Variants in GRM5 observed in about 807,000 individuals in gnomAD.
The protein encoded by GRM5 is glutamate metabotropic receptor 5.
GRM5 carries 19 observed loss-of-function variants against 83.1 expected under a neutral mutation model. That is an observed-to-expected ratio of 0.23 (90% CI 0.16 to 0.34). The LOEUF (loss-of-function observed/expected upper bound fraction) is 0.34, where lower values mean the gene tolerates loss of function less well. Among genes scored for constraint, GRM5 ranks in the 10% least tolerant of loss-of-function variants. GRM5 has a pLI of 1.00. For missense variants in GRM5, 1,160 were observed against 1,588.3 expected, an observed-to-expected ratio of 0.73 and a Z score of 4.58; for synonymous variants, 675 against 633.6, an observed-to-expected ratio of 1.07 and a Z score of -0.98.
At chr11:88,751,914 A>G (rs1191556211) in intron 3 of GRM5, among the ~76,000 whole-genome samples, 15 of 152,216 alleles carry the variant, frequency 9.9e-5, no homozygotes. Context: ...CTTCATATTA[A>G]AAACTCTCAA....
intron 2 of GRM5, among the ~76,000 whole-genome samples, chr11:89,013,327 T>A (rs1429452700): frequency 2.0e-5 from 3 of 152,224 alleles, no homozygotes; most frequent in Non-Finnish European, 4.4e-5. Context: ...CAAATAATCT[T>A]GTCTTTATGA....
chr11:88,535,447 C>A (rs913081957), intron 8 of GRM5, among the ~76,000 whole-genome samples: 2 of 152,152 alleles, frequency 1.3e-5, no homozygotes, highest in African/African-American at 4.8e-5. Context: ...AGAAGCTAAG[C>A]CAACATTTCA....
chr11:88,744,204 A>T (rs1311022762), intron 3 of GRM5, among the ~76,000 whole-genome samples: 1 of 152,164 alleles, frequency 6.6e-6, no homozygotes, highest in Non-Finnish European at 1.5e-5. Flanking sequence ...TTTGATTTAC[A>T]TTAAGTATTT....
intron 2 of GRM5, among the ~76,000 whole-genome samples, chr11:88,878,480 C>T (rs193055381): frequency 1.3e-5 from 2 of 152,128 alleles, no homozygotes; most frequent in African/African-American, 4.8e-5. Context: ...ATTCCCTCCC[C>T]ACAGTGGAGC....
chr11:88,622,269 A>G (rs1938660117), intron 4 of GRM5, among the ~76,000 whole-genome samples: 1 of 152,222 alleles, frequency 6.6e-6, no homozygotes, highest in South Asian at 2.1e-4. Context: ...GCTAAGCATC[A>G]TTTTCTGCCC....
At chr11:88,536,341 G>C (rs763429524) in intron 8 of GRM5, among the ~76,000 whole-genome samples, 16 of 152,230 alleles carry the variant, frequency 1.1e-4, no homozygotes, top group Non-Finnish European at 1.9e-4. Flanking sequence ...GTCAGTGACA[G>C]ATCCATATAC....
chr11:89,006,799 C>CTTTGT (rs924347692), intron 2 of GRM5, among the ~76,000 whole-genome samples: 5 of 151,768 alleles, frequency 3.3e-5, no homozygotes, highest in Non-Finnish European at 2.9e-5. Flanking sequence ...TTTTGTTTTG[C>CTTTGT]TTTGTTTTGT....
chr11:88,670,904 AC>A, intron 3 of GRM5, among the ~76,000 whole-genome samples: 1 of 152,102 alleles, frequency 6.6e-6, no homozygotes, highest in South Asian at 2.1e-4. Flanking sequence ...ATCTCCTACA[AC>A]TGAATATAAG....
chr11:88,678,030 G>T (rs534439582), intron 3 of GRM5, among the ~76,000 whole-genome samples: 1 of 149,420 alleles, frequency 6.7e-6, no homozygotes, highest in Non-Finnish European at 1.5e-5. Flanking sequence ...GATTACAAAC[G>T]TGATGCATTT....
intron 3 of GRM5, among the ~76,000 whole-genome samples, chr11:88,740,163 A>C (rs960365754): frequency 1.3e-5 from 2 of 152,076 alleles, no homozygotes; most frequent in Non-Finnish European, 2.9e-5. Flanking sequence ...AAAATATCCT[A>C]TTTCTCATTA....
At chr11:88,710,819 A>G in intron 3 of GRM5, among the ~76,000 whole-genome samples, 1 of 152,016 alleles carries the variant, frequency 6.6e-6, no homozygotes, top group East Asian at 1.9e-4. Context: ...TACAAAAAGA[A>G]GGTGCATCCA....
At chr11:88,810,091 C>G (rs778993895) in intron 3 of GRM5, among the ~76,000 whole-genome samples, 61 of 151,946 alleles carry the variant, frequency 4.0e-4, no homozygotes, top group Non-Finnish European at 5.4e-4. Flanking sequence ...TTTGATTATG[C>G]ATCTAATATG....
At chr11:88,901,319 T>G (rs1945312386) in intron 2 of GRM5, among the ~76,000 whole-genome samples, 1 of 152,174 alleles carries the variant, frequency 6.6e-6, no homozygotes, top group African/African-American at 2.4e-5. Context: ...CACTTAGTTC[T>G]CACAACAATC....
At chr11:88,881,253 A>C (rs2135573125) in intron 2 of GRM5, among the ~76,000 whole-genome samples, 1 of 152,172 alleles carries the variant, frequency 6.6e-6, no homozygotes, top group East Asian at 1.9e-4. Flanking sequence ...AGACTTTAAA[A>C]GTTTGAGACT....
intron 5 of GRM5, among the ~76,000 whole-genome samples, chr11:88,604,469 C>A (rs953695277): frequency 6.6e-6 from 1 of 152,162 alleles, no homozygotes; most frequent in Non-Finnish European, 1.5e-5. Context: ...GAGTTTCCTG[C>A]CTCTTAGTTT....
chr11:88,902,899 C>T (rs1313475368), intron 2 of GRM5, among the ~76,000 whole-genome samples: 5 of 132,462 alleles, frequency 3.8e-5, no homozygotes, highest in Admixed American at 2.7e-4. Flanking sequence ...TGCAGTTAGC[C>T]GAGATCGTGC....
intron 8 of GRM5, among the ~76,000 whole-genome samples, chr11:88,533,746 T>G (rs1322612542): frequency 6.6e-6 from 1 of 152,198 alleles, no homozygotes; most frequent in Non-Finnish European, 1.5e-5. Flanking sequence ...AGCCAAATGT[T>G]AATCCCCAAG....
At chr11:89,039,682 T>C (rs575843276) in intron 2 of GRM5, among the ~76,000 whole-genome samples, 11 of 152,318 alleles carry the variant, frequency 7.2e-5, no homozygotes, top group African/African-American at 2.2e-4. Context: ...TATGTAAATA[T>C]ATCAGATACC....
chr11:88,524,214 C>CTTTCTTTCT (rs1555060035), intron 9 of GRM5, among the ~76,000 whole-genome samples: 135 of 101,404 alleles, frequency 1.3e-3, no homozygotes, highest in African/African-American at 5.8e-3. Flanking sequence ...TTCTTTCTTT[C>CTTTCTTTCT]TTTTTTTTTT....
Sources: allele counts gnomAD v4.1 joint callset (sites outside exome capture counted in the v4.1 genomes callset), GRCh38; gene constraint gnomAD v4.1.1; transcripts MANE v1.5; gene names NCBI Gene and HGNC (gene_info 2026-07-23, HGNC 2026-07-21).